The following MTMR14 variants were observed in gnomAD, a reference collection of about 807,000 sequenced individuals.
The protein encoded by MTMR14 is phosphatidylinositol-3,5-bisphosphate 3-phosphatase MTMR14.
In MTMR14, 48 loss-of-function variants were observed where a neutral mutation model predicts 86.3. That is an observed-to-expected ratio of 0.56 (90% CI 0.44 to 0.71). The LOEUF (loss-of-function observed/expected upper bound fraction) is 0.71, where lower values mean the gene tolerates loss of function less well. Ranked by LOEUF, MTMR14 falls within the 30% of genes least tolerant of loss-of-function variation. The probability of loss-of-function intolerance (pLI) is 0.00; values close to 1 mark genes in which losing one functional copy is unlikely to be tolerated. For synonymous variants in MTMR14, 366 were observed against 326.1 expected (o/e 1.12, Z -1.32); for missense variants, 780 against 834.6 (o/e 0.93, Z 0.81).
chr3:9,680,768 C>T lies in MTMR14; in HGVS notation c.898-2410C>T, dbSNP rs554254893. On this transcript the variant is annotated intron_variant, in intron 9 of 18. Transcript: ENST00000296003. ...AGGAGAATGGCGTGAACCCGGGAGG[C>T]GGAGCTTGCGGTGAGCTGAGATCGC... 1.5e-4 allele frequency among the ~76,000 whole-genome samples: 23 copies of T among 152,288 alleles called. No individual in the cohort carries two copies. In the East Asian group the frequency reaches 4.3e-3, roughly 28 times the overall value.
At position 9,690,123 on chromosome 3, in the gene MTMR14, C is replaced by T. The variant is rs749589215; in HGVS notation, c.1593C>T (p.Pro531=). ...ACTTTTTCAGGATGGGTAGCAGTCC[C>T]CTGGAGGTCCCCAAACCCAGGTGAG... ...SDNFFRMGSS[P]LEVPKPRSVD... is the part of the protein sequence containing the mutation. The change falls in exon 17 of 19, where the codon CCC becomes CCT. Residue 531 remains proline, a synonymous_variant. Transcript: ENST00000296003. The T allele has an allele frequency of 6.2e-7, 1 of 1,613,646 alleles. No homozygotes were observed. The highest frequency in any genetic ancestry group is 8.5e-7 in the Non-Finnish European group (1 of 1,180,024).
At chr3:9,685,392 G>A (rs768912463) in intron 13 of MTMR14, 145 bp downstream of exon 13, 11 of 1,003,894 alleles carry the variant, frequency 1.1e-5, no homozygotes, top group Admixed American at 1.9e-5. Flanking sequence ...TCCTGAGGCA[G>A]CGTGGCAGGA....
chr3:9,675,752 G>A (rs1419060188), intron 7 of MTMR14: 7 of 455,298 alleles, frequency 1.5e-5, no homozygotes, highest in East Asian at 1.4e-4. Context: ...CATCATAGGC[G>A]GGTCTGAGCT....
chr3:9,685,801 C>G (rs1450680736), intron 13 of MTMR14, among the ~76,000 whole-genome samples: 2 of 152,176 alleles, frequency 1.3e-5, no homozygotes, highest in African/African-American at 4.8e-5. Context: ...GCGCCCCCAT[C>G]CTGTCGGCCA....
intron 16 of MTMR14, 135 bp downstream of exon 16, chr3:9,689,217 C>A: frequency 1.5e-6 from 2 of 1,343,818 alleles, no homozygotes; most frequent in Non-Finnish European, 2.1e-6. Context: ...CGTGCTCCTG[C>A]TGTCTCTACT....
At chr3:9,670,996 C>T in intron 5 of MTMR14, 52 bp from the exon 6 acceptor site, 2 of 1,612,348 alleles carry the variant, frequency 1.2e-6, no homozygotes. Flanking sequence ...CACCCCCAAG[C>T]TCCTGTGAGT....
chr3:9,692,356 C>T lies in MTMR14; in HGVS notation c.1613+2213C>T, dbSNP rs199544333. ...TTGGGAAGAAAGTTCTGTGGGGTGC[C>T]AATTCTTACTAACCCCGAGCCCACA... On this transcript the variant is annotated intron_variant, in intron 17 of 18. Transcript: ENST00000296003. Among the ~76,000 whole-genome samples, 7 of 152,322 alleles carry T rather than the reference C, an allele frequency of 4.6e-5. No individual in the cohort carries two copies. The East Asian group carries it at 1.3e-3, about 29-fold the overall frequency.
chr3:9,672,577 G>A, intron 6 of MTMR14, 108 bp from the exon 7 acceptor site: 1 of 999,300 alleles, frequency 1.0e-6, no homozygotes, highest in Non-Finnish European at 1.6e-6. Flanking sequence ...ATGAAGAATA[G>A]TTTTTTTTAG....
chr3:9,661,127 T>C (rs147283394), intron 2 of MTMR14, among the ~76,000 whole-genome samples: 80 of 152,344 alleles, frequency 5.3e-4, no homozygotes, highest in Admixed American at 1.4e-3. Flanking sequence ...TCCTTTGCTC[T>C]GTGCGCTGTT....
At position 9,689,035 on chromosome 3, in the gene MTMR14, T is replaced by C. The variant is rs148229439; in HGVS notation, c.1386T>C (p.Tyr462=). The C allele has an allele frequency of 9.3e-3, 15,006 of 1,613,824 alleles. 98 individuals are homozygous for C. The highest frequency in any genetic ancestry group is 0.011 in the Non-Finnish European group (13,499 of 1,180,030). The change falls in exon 16 of 19, where the codon TAT becomes TAC. Residue 462 remains tyrosine (Y), a synonymous_variant. Transcript: ENST00000296003. ...CAGGAGCCACTGGGAGCTTCACCTA[T>C]GAGGCCGTGGAGCTGGTCCCAGCAG... ...SSPGATGSFT[Y]EAVELVPAGA...
Position 9,678,033 on chromosome 3 carries a change from T to C in MTMR14, c.872T>C (p.Leu291Pro), listed in dbSNP as rs762786645. The C allele has an allele frequency of 1.6e-5, 26 of 1,613,970 alleles. No individual in the cohort carries two copies. Among genetic ancestry groups the C allele is most frequent in the Non-Finnish European group, 2.1e-5 (25 of 1,180,022 alleles). The change falls in exon 9 of 19, where the codon CTG (leucine) becomes CCG (proline). Residue 291 changes from leucine (L) to proline (P), a missense_variant. Leu to Pro is a moderately conservative substitution (Grantham distance 98). Coordinates refer to ENST00000296003, the MANE Select transcript of MTMR14 (RefSeq NM_001077525.3). ...ATCCCCGACTTCCTGACTCACTCTC[T>C]GAACATTGACTGGAGCCAGTATCAG... is the stretch of plus-strand genomic sequence containing the variant. The part of the protein sequence containing the change: ...LSIPDFLTHS[L>P]NIDWSQYQCW...
At chr3:9,684,536 C>T (rs1278830097) in intron 10 of MTMR14, 49 bp from the exon 11 acceptor site, 9 of 1,584,826 alleles carry the variant, frequency 5.7e-6, no homozygotes, top group Non-Finnish European at 7.8e-6. Context: ...TGCTCATCGG[C>T]CCATGTCTGG....
intron 9 of MTMR14, among the ~76,000 whole-genome samples, chr3:9,678,855 T>C (rs1401921686): frequency 1.3e-5 from 2 of 152,202 alleles, no homozygotes; most frequent in African/African-American, 4.8e-5. Flanking sequence ...TTCCCTGAAA[T>C]CCTGGAGGAC....
rs777405290 is a variant in MTMR14, at chr3:9,669,434, G to C, written c.496G>C (p.Gly166Arg). 5.6e-6 allele frequency: 9 copies of C among 1,613,900 alleles called. No individual in the cohort carries two copies. In the East Asian group the frequency reaches 1.8e-4, roughly 32 times the overall value. Reference protein sequence around the residue: ...RSGYNYFFSGGADDAWADVED... With the variant: ...RSGYNYFFSGRADDAWADVED... ...TGACAGATAGGTTTCTCTGGCAGGG[G>C]GTGCAGATGATGCCTGGGCAGATGT... The change falls in exon 5 of 19, where the codon GGT becomes CGT. Residue 166 changes from glycine (G) to arginine (R), a missense_variant and splice_region_variant. By Grantham distance (125) the Gly-to-Arg change is moderately radical. Coordinates refer to ENST00000296003, the MANE Select transcript of MTMR14 (RefSeq NM_001077525.3).
chr3:9,666,960 G>A (rs1233792267), intron 3 of MTMR14, among the ~76,000 whole-genome samples: 1 of 152,214 alleles, frequency 6.6e-6, no homozygotes, highest in Non-Finnish European at 1.5e-5. Context: ...TGAAGAGGCT[G>A]GTTCCCCACT....
chr3:9,649,870 A>G, intron 1 of MTMR14, 128 bp downstream of exon 1: 3 of 1,531,318 alleles, frequency 2.0e-6, no homozygotes, highest in Admixed American at 2.0e-5. Context: ...AGAGAGAGAG[A>G]GGAGTTCTCC....
chr3:9,659,568 C>G (rs947854178), intron 2 of MTMR14: 10 of 372,356 alleles, frequency 2.7e-5, no homozygotes, highest in South Asian at 1.4e-4. Flanking sequence ...CTCAGCCTCC[C>G]GAGTAGCTGG....
At chr3:9,660,120 A>G (rs900484708) in intron 2 of MTMR14, among the ~76,000 whole-genome samples, 1 of 152,176 alleles carries the variant, frequency 6.6e-6, no homozygotes, top group Non-Finnish European at 1.5e-5. Context: ...TGTGGAGTCT[A>G]GTTAGGCAAT....
intron 13 of MTMR14, among the ~76,000 whole-genome samples, chr3:9,685,474 C>T (rs546829617): frequency 1.3e-4 from 20 of 152,280 alleles, no homozygotes; most frequent in South Asian, 1.0e-3. Flanking sequence ...CAAGCCCACA[C>T]GTCGGGGTGA....
Sources: allele counts gnomAD v4.1 joint callset (sites outside exome capture counted in the v4.1 genomes callset), GRCh38; gene constraint gnomAD v4.1.1; transcripts MANE v1.5; gene names NCBI Gene and HGNC (gene_info 2026-07-23, HGNC 2026-07-21).